SCN2A: variants seen among roughly 807,000 people sequenced by gnomAD.
SCN2A encodes the protein sodium channel protein type 2 subunit alpha.
SCN2A carries 20 observed loss-of-function variants against 188.7 expected under a neutral mutation model. That is an observed-to-expected ratio of 0.11 (90% CI 0.07 to 0.15). SCN2A has a LOEUF of 0.15. SCN2A is among the 10% of genes least tolerant of loss of function. SCN2A has a pLI of 1.00. For synonymous variants in SCN2A, 804 were observed against 833.1 expected (o/e 0.97, Z 0.60); for missense variants, 1,278 against 2,445.0 (o/e 0.52, Z 10.07).
intron 13 of SCN2A, among the ~76,000 whole-genome samples, chr2:165,331,075 A>C (rs890129521): frequency 6.6e-6 from 1 of 152,186 alleles, no homozygotes; most frequent in Non-Finnish European, 1.5e-5. Context: ...GATAAGTATC[A>C]GACAGTTTAG....
intron 1 of SCN2A, among the ~76,000 whole-genome samples, chr2:165,259,474 A>G (rs1292844263): frequency 6.6e-6 from 1 of 152,244 alleles, no homozygotes; most frequent in Non-Finnish European, 1.5e-5. Flanking sequence ...AAAACCTGCC[A>G]CTGCTTTATC....
intron 2 of SCN2A, chr2:165,296,554 T>C (rs1696520987): frequency 1.0e-5 from 2 of 194,334 alleles, no homozygotes; most frequent in East Asian, 1.4e-4. Flanking sequence ...TATTCCTTTA[T>C]ACCATACTTT....
intron 1 of SCN2A, among the ~76,000 whole-genome samples, chr2:165,289,055 T>C (rs892271063): frequency 1.3e-5 from 2 of 152,092 alleles, no homozygotes; most frequent in African/African-American, 4.8e-5. Context: ...TCTAAGTCTT[T>C]GCGCACTTAT....
intron 3 of SCN2A, among the ~76,000 whole-genome samples, chr2:165,305,913 G>C (rs1333094585): frequency 9.2e-5 from 14 of 152,120 alleles, no homozygotes; most frequent in Admixed American, 7.9e-4. Context: ...CAAGGGAGAC[G>C]TAAGCAAGTT....
chr2:165,303,812 TAA>T (rs1328149181), intron 3 of SCN2A, among the ~76,000 whole-genome samples: 2 of 152,196 alleles, frequency 1.3e-5, no homozygotes, highest in Admixed American at 6.5e-5. Flanking sequence ...AGTTTTAACT[TAA>T]GTGTATACTT....
At chr2:165,349,846 T>C (rs145144170) in intron 16 of SCN2A, among the ~76,000 whole-genome samples, 35 of 152,336 alleles carry the variant, frequency 2.3e-4, no homozygotes, top group African/African-American at 7.7e-4. Flanking sequence ...GAACTTGATA[T>C]ACTCACTCCT....
At chr2:165,358,035 C>T (rs1700266404) in intron 17 of SCN2A, among the ~76,000 whole-genome samples, 1 of 151,936 alleles carries the variant, frequency 6.6e-6, no homozygotes, top group South Asian at 2.1e-4. Context: ...ACAACCCTAA[C>T]TTAAAAAAAA....
chr2:165,308,544 A>G lies in SCN2A; in HGVS notation c.477-122A>G, dbSNP rs571107893. On this transcript the variant is annotated intron_variant, in intron 4 of 26. Coordinates refer to ENST00000375437, the MANE Select transcript of SCN2A (RefSeq NM_001040142.2). The stretch of plus-strand genomic sequence containing the variant: ...TTGACTTAAGCCCCACCTAAACTCT[A>G]TATCGTAGGGGGACCAACCTGGAAG... The G allele has an allele frequency of 2.8e-5, 26 of 942,330 alleles. No homozygotes were observed. In the African/African-American group the frequency reaches 3.6e-4, roughly 13 times the overall value. The allele number at this position is 942,330 out of a possible 1,614,324, so 58.4% of individuals were successfully genotyped here.
At position 165,246,767 on chromosome 2, in the gene SCN2A, C is replaced by T. The variant is rs554449949; in HGVS notation, c.-52+7127C>T. Among the ~76,000 whole-genome samples the T allele has an allele frequency of 3.3e-5, 5 of 152,178 alleles. No individual in the cohort carries two copies. The South Asian group carries it at 1.0e-3, about 32-fold the overall frequency. On this transcript the variant is annotated intron_variant, in intron 1 of 26. Transcript: ENST00000375437. ...CTGCACTTTTGCAGCTGGACGCATG[C>T]AAAAGTGGGTCCTTCATGATGCCCA...
intron 21 of SCN2A, among the ~76,000 whole-genome samples, chr2:165,373,882 C>A (rs1292964298): frequency 2.0e-5 from 3 of 151,988 alleles, no homozygotes; most frequent in Non-Finnish European, 4.4e-5. Context: ...TCCCCTGAGG[C>A]ACAAAACCTG....
intron 1 of SCN2A, among the ~76,000 whole-genome samples, chr2:165,276,195 A>G (rs1021955189): frequency 6.6e-6 from 1 of 152,150 alleles, no homozygotes. Flanking sequence ...GCCAAATAGT[A>G]ATAAGAGTTC....
At chr2:165,334,281 A>T (rs1467077665) in intron 14 of SCN2A, among the ~76,000 whole-genome samples, 5 of 151,764 alleles carry the variant, frequency 3.3e-5, no homozygotes, top group African/African-American at 1.2e-4. Flanking sequence ...TGAAGCTAGA[A>T]TTACCCTGAT....
Position 165,264,975 on chromosome 2 carries a change from G to A in SCN2A, c.-52+25335G>A, listed in dbSNP as rs115939556. Among the ~76,000 whole-genome samples, 842 of 151,932 alleles carry A rather than the reference G, an allele frequency of 5.5e-3. 5 individuals are homozygous for A. Among genetic ancestry groups the A allele is most frequent in the Non-Finnish European group, 9.0e-3 (611 of 67,976 alleles). The stretch of plus-strand genomic sequence containing the variant: ...TAATAGCGTGATTTATATTCCTTTG[G>A]GTATATACCTGGTAAAGGGATTGCT... On this transcript the variant is annotated intron_variant, in intron 1 of 26. Coordinates refer to ENST00000375437, the MANE Select transcript of SCN2A (RefSeq NM_001040142.2).
intron 13 of SCN2A, 149 bp downstream of exon 13, chr2:165,327,133 T>C: frequency 4.1e-6 from 4 of 979,496 alleles, no homozygotes; most frequent in Non-Finnish European, 6.1e-6. Flanking sequence ...GCATAACTCA[T>C]GGATTCTATT....
chr2:165,259,186 T>C (rs1252905417), intron 1 of SCN2A, among the ~76,000 whole-genome samples: 1 of 152,236 alleles, frequency 6.6e-6, no homozygotes, highest in Admixed American at 6.5e-5. Context: ...TAAAAATATT[T>C]TCTTGCTTAC....
At chr2:165,303,278 T>TTTTTTTG (rs1696926075) in intron 3 of SCN2A, among the ~76,000 whole-genome samples, 4 of 136,804 alleles carry the variant, frequency 2.9e-5, no homozygotes, top group African/African-American at 5.6e-5. Context: ...GAGTTTTTTT[T>TTTTTTTG]TTTTTTTTTT....
chr2:165,326,837 A>G lies in SCN2A; in HGVS notation c.2017-15A>G. 6.2e-7 allele frequency: 1 copy of G among 1,613,770 alleles called. No individual in the cohort carries two copies. The highest frequency in any genetic ancestry group is 8.5e-7 in the Non-Finnish European group (1 of 1,179,772). ...TCAAAAATAGTGGTTATTTCATCTG[A>G]AATTCTACTTCTAGGGCACAACTAC... On this transcript the variant is annotated splice_polypyrimidine_tract_variant and intron_variant, in intron 12 of 26. Coordinates refer to ENST00000375437, the MANE Select transcript of SCN2A (RefSeq NM_001040142.2).
At position 165,375,819 on chromosome 2, in the gene SCN2A, G is replaced by GCA. The variant is rs112644456; in HGVS notation, c.4254+871_4254+872dup. ...TGTATATATATGTGTGTGTATACAC[G>GCA]CACACACACACACACACACCCCTAT... is the stretch of plus-strand genomic sequence containing the variant. On this transcript the variant is annotated intron_variant, in intron 22 of 26. Coordinates refer to ENST00000375437, the MANE Select transcript of SCN2A (RefSeq NM_001040142.2). Among the ~76,000 whole-genome samples the GCA allele has an allele frequency of 3.4e-3, 496 of 146,746 alleles. 3 individuals are homozygous for GCA. The highest frequency in any genetic ancestry group is 9.6e-3 in the African/African-American group (385 of 40,212).
intron 9 of SCN2A, 57 bp downstream of exon 9, chr2:165,313,818 T>C (rs992921115): frequency 5.0e-6 from 8 of 1,612,360 alleles, no homozygotes; most frequent in Admixed American, 1.7e-5. Flanking sequence ...CTCAAGAGAA[T>C]TGCTGTAGAA....
Sources: allele counts gnomAD v4.1 joint callset (sites outside exome capture counted in the v4.1 genomes callset), GRCh38; gene constraint gnomAD v4.1.1; transcripts MANE v1.5; gene names NCBI Gene and HGNC (gene_info 2026-07-23, HGNC 2026-07-21).